Variants in PRICKLE2 observed in about 807,000 individuals in gnomAD.
The protein encoded by PRICKLE2 is prickle planar cell polarity protein 2, also known as prickle-like protein 2.
PRICKLE2 carries 21 observed loss-of-function variants against 81.4 expected under a neutral mutation model. The observed-to-expected ratio is 0.26, with a 90% CI of 0.18 to 0.37. The LOEUF is 0.37. Among genes scored for constraint, PRICKLE2 ranks in the 10% least tolerant of loss-of-function variants. PRICKLE2 has a pLI of 1.00. For missense variants in PRICKLE2, 940 were observed against 1,109.0 expected, an observed-to-expected ratio of 0.85 and a Z score of 2.16; for synonymous variants, 456 against 421.5, an observed-to-expected ratio of 1.08 and a Z score of -1.00.
chr3:64,185,080 G>A (rs2078200176), intron 2 of PRICKLE2, among the ~76,000 whole-genome samples: 1 of 152,182 alleles, frequency 6.6e-6, no homozygotes, highest in South Asian at 2.1e-4. Context: ...AAATGTTAGG[G>A]CCTACATGTT....
chr3:64,102,173 A>G (rs915705267), intron 7 of PRICKLE2: 3 of 152,268 alleles, frequency 2.0e-5, no homozygotes, highest in Admixed American at 6.5e-5. Context: ...CGAGGGAAAC[A>G]TGGCAATTAC....
intron 7 of PRICKLE2, among the ~76,000 whole-genome samples, chr3:64,125,133 G>A (rs1239203668): frequency 2.0e-5 from 3 of 152,152 alleles, no homozygotes; most frequent in African/African-American, 7.2e-5. Flanking sequence ...CTAGATTGCA[G>A]GTATAGTGGA....
At chr3:64,206,337 A>C (rs2078689501) in intron 1 of PRICKLE2, among the ~76,000 whole-genome samples, 1 of 152,156 alleles carries the variant, frequency 6.6e-6, no homozygotes, top group Non-Finnish European at 1.5e-5. Flanking sequence ...TGGTTTAAAA[A>C]CAGGTGTGGG....
chr3:64,102,075 T>C (rs1199000911), intron 7 of PRICKLE2: 2 of 152,148 alleles, frequency 1.3e-5, no homozygotes, highest in Non-Finnish European at 2.9e-5. Context: ...ATTAGACAGA[T>C]GCCAAAAGGA....
At position 64,225,406 on chromosome 3, in the gene PRICKLE2, A is replaced by G; in HGVS notation, c.-537T>C. 1.0e-6 allele frequency: 1 copy of G among 985,314 alleles called. No individual in the cohort carries two copies. The highest frequency in any genetic ancestry group is 1.2e-6 in the Non-Finnish European group (1 of 829,942). 61.0% of individuals were successfully genotyped at this position (985,314 alleles called of 1,614,324 possible). On this transcript the variant is annotated 5_prime_UTR_variant, in exon 1 of 8. Coordinates refer to ENST00000638394, the MANE Select transcript of PRICKLE2 (RefSeq NM_198859.4). ...GAACCAGGAAATGTGCTGCTTGGTC[A>G]AAAAATAATAATAACTCTCGGTGGC...
chr3:64,235,531 C>T (rs1040282079), intron 2 of PRICKLE2, among the ~76,000 whole-genome samples: 1 of 152,110 alleles, frequency 6.6e-6, no homozygotes, highest in African/African-American at 2.4e-5. Flanking sequence ...ACCACCCTGC[C>T]CCCCTTCTGG....
At position 64,099,609 on chromosome 3, in the gene PRICKLE2, G is replaced by A. The variant is rs376252127; in HGVS notation, c.1977C>T (p.Gly659=). ...MAGSKLPGQE[G]VRIQPMSERT... is the part of the protein sequence containing the mutation. ...GTTCACTCATGGGCTGGATCCTCAC[G>A]CCCTCCTGCCCTGGCAGCTTGCTGC... Residue 659 remains glycine, a synonymous_variant, in exon 8 of 8, where the codon GGC becomes GGT. Coordinates refer to ENST00000638394, the MANE Select transcript of PRICKLE2 (RefSeq NM_198859.4). The surrounding 1 kb of genome is among the most constrained non-coding windows in gnomAD (Gnocchi z 4.3). The A allele has an allele frequency of 2.5e-6, 4 of 1,613,822 alleles. No individual in the cohort carries two copies. Among genetic ancestry groups the A allele is most frequent in the African/African-American group, 2.7e-5 (2 of 75,038 alleles).
intron 2 of PRICKLE2, among the ~76,000 whole-genome samples, chr3:64,260,633 C>T (rs955960816): frequency 3.3e-5 from 5 of 152,206 alleles, no homozygotes; most frequent in East Asian, 1.9e-4. Flanking sequence ...ACTCTCCTCT[C>T]GTCCGGGGAA....
chr3:64,179,849 T>A (rs2078097475), intron 2 of PRICKLE2, among the ~76,000 whole-genome samples: 1 of 152,108 alleles, frequency 6.6e-6, no homozygotes, highest in African/African-American at 2.4e-5. Context: ...GAGCCAGGAT[T>A]TAAATTTAGG....
chr3:64,259,370 G>C (rs922322039), intron 2 of PRICKLE2, among the ~76,000 whole-genome samples: 4 of 152,112 alleles, frequency 2.6e-5, no homozygotes, highest in African/African-American at 9.7e-5. Context: ...TAACAGCTGA[G>C]GACACTGAAG....
chr3:64,246,402 G>A (rs1363976901), intron 2 of PRICKLE2, among the ~76,000 whole-genome samples: 4 of 152,254 alleles, frequency 2.6e-5, no homozygotes, highest in African/African-American at 4.8e-5. Context: ...TCAGATAACC[G>A]TGACCCAACC....
chr3:64,161,093 A>G (rs1270119718), intron 3 of PRICKLE2, among the ~76,000 whole-genome samples: 2 of 150,352 alleles, frequency 1.3e-5, no homozygotes, highest in Non-Finnish European at 3.0e-5. Context: ...TGACGCTCCT[A>G]CTTAAAAGTG....
At chr3:64,138,854 G>A (rs1365734193) in intron 7 of PRICKLE2, among the ~76,000 whole-genome samples, 1 of 152,210 alleles carries the variant, frequency 6.6e-6, no homozygotes, top group Non-Finnish European at 1.5e-5. Flanking sequence ...CATCTGAGGT[G>A]TGGCCAATGA....
At chr3:64,162,993 A>T (rs1361508859) in intron 3 of PRICKLE2, 23 bp downstream of exon 3, 1 of 1,467,046 alleles carries the variant, frequency 6.8e-7, no homozygotes, top group Non-Finnish European at 9.6e-7. Flanking sequence ...AAAATTCTGC[A>T]TAAGCCCCCT....
At chr3:64,239,804 T>G (rs1201050134) in intron 2 of PRICKLE2, among the ~76,000 whole-genome samples, 2 of 151,978 alleles carry the variant, frequency 1.3e-5, no homozygotes, top group East Asian at 1.9e-4. Context: ...TTTCTTTTAT[T>G]TATTACTGTT....
At chr3:64,188,570 G>C (rs529370886) in intron 2 of PRICKLE2, among the ~76,000 whole-genome samples, 3 of 152,282 alleles carry the variant, frequency 2.0e-5, no homozygotes, top group Non-Finnish European at 4.4e-5. Flanking sequence ...ACCACGGGAC[G>C]AGGCAGACCA....
chr3:64,127,011 G>A (rs1575567538), intron 7 of PRICKLE2, among the ~76,000 whole-genome samples: 1 of 152,190 alleles, frequency 6.6e-6, no homozygotes, highest in South Asian at 2.1e-4. Flanking sequence ...ATCAGGCAGT[G>A]CTCCAGCTGC....
intron 2 of PRICKLE2, among the ~76,000 whole-genome samples, chr3:64,178,704 C>T (rs830018): frequency 0.012 from 1,767 of 152,284 alleles, 9 homozygotes; most frequent in Middle Eastern, 0.02. Flanking sequence ...GCTATAAAAT[C>T]ACAGCAAACA....
intron 2 of PRICKLE2, among the ~76,000 whole-genome samples, chr3:64,262,623 C>A (rs2107191073): frequency 6.7e-6 from 1 of 149,708 alleles, no homozygotes; most frequent in Non-Finnish European, 1.5e-5. Flanking sequence ...AGCGGCTGAC[C>A]TAAAAAAAAA....
Sources: gnomAD v4.1 joint callset for allele counts (sites outside exome capture counted in the v4.1 genomes callset) on GRCh38, gnomAD v4.1.1 for gene constraint, Gnocchi (gnomAD v3.1) non-coding constraint, MANE v1.5 for transcripts, NCBI Gene and HGNC (gene_info 2026-07-23, HGNC 2026-07-21) for gene names.